ZNF831: variants seen among roughly 807,000 people sequenced by gnomAD.
ZNF831 encodes zinc finger protein 831, also known as chromosome 20 open reading frame 174.
ZNF831 carries 59 observed loss-of-function variants against 95.8 expected under a neutral mutation model. That is an observed-to-expected ratio of 0.62 (90% confidence interval 0.50 to 0.77). The LOEUF is 0.77. ZNF831 is among the 30% of genes least tolerant of loss of function. The pLI is 0.00. For missense variants in ZNF831, 2,205 were observed against 2,164.0 expected, an observed-to-expected ratio of 1.02 and a Z score of -0.38; for synonymous variants, 961 against 925.5, an observed-to-expected ratio of 1.04 and a Z score of -0.70.
Position 59,258,813 on chromosome 20 carries a change from C to G in ZNF831, c.*4070C>G, listed in dbSNP as rs45556437. The G allele has an allele frequency of 2.0e-5, 3 of 152,336 alleles. No individual in the cohort carries two copies. The highest frequency in any genetic ancestry group is 4.4e-5 in the Non-Finnish European group (3 of 68,028). 9.4% of individuals were successfully genotyped at this position (152,336 alleles called of 1,614,324 possible). A position where few individuals can be genotyped will look rare whatever the true frequency, so the allele number is the denominator to read the frequency against. The stretch of plus-strand genomic sequence containing the variant: ...GATTTCTACCCTGTATGATTCTTTT[C>G]ATCCATGCTTTGCACTTACGTAGGA... On this transcript the variant is annotated 3_prime_UTR_variant, in exon 6 of 6. Coordinates refer to ENST00000371030, the MANE Select transcript of ZNF831 (RefSeq NM_178457.3).
At position 59,153,263 on chromosome 20, in the gene ZNF831, A is replaced by G. The variant is rs564579750; in HGVS notation, c.-1280-6389A>G. On this transcript the variant is annotated intron_variant, in intron 2 of 7. Transcript: ENST00000637017. Reference sequence around the variant, plus strand: ...GCCCGCATGCTCTGTGTTCTTCCCAACAGAGCCAAATCCTGTGGAACTGGA... The same window carrying G: ...GCCCGCATGCTCTGTGTTCTTCCCAGCAGAGCCAAATCCTGTGGAACTGGA... 5.3e-5 allele frequency among the ~76,000 whole-genome samples: 8 copies of G among 152,286 alleles called. No individual in the cohort carries two copies. The South Asian group carries it at 1.2e-3, about 24-fold the overall frequency.
intron 4 of ZNF831, among the ~76,000 whole-genome samples, chr20:59,221,747 A>C (rs942128331): frequency 6.6e-6 from 1 of 152,202 alleles, no homozygotes; most frequent in African/African-American, 2.4e-5. Flanking sequence ...CTTAACTTCC[A>C]AAGGACATGA....
At chr20:59,250,313 C>T (rs554691594) in intron 4 of ZNF831, among the ~76,000 whole-genome samples, 105 of 152,242 alleles carry the variant, frequency 6.9e-4, no homozygotes, top group Non-Finnish European at 1.1e-3. Flanking sequence ...TCCAGAATGC[C>T]GGCAGCCTGG....
rs1985084829 is a variant in ZNF831, at chr20:59,208,782, A to C, written c.4027+1726A>C. Among the ~76,000 whole-genome samples the C allele has an allele frequency of 6.6e-6, 1 of 152,084 alleles. No homozygotes were observed. The highest frequency in any genetic ancestry group is 1.9e-4 in the East Asian group (1 of 5,186). ...TAGAGCTTGGATGGAACCCCTGCTG[A>C]GACGCTGGCAGAGAGCTGGTAGCCC... On this transcript the variant is annotated intron_variant, in intron 4 of 5. Transcript: ENST00000371030. The surrounding 1 kb of genome is among the most constrained non-coding windows in gnomAD (Gnocchi z 4.2).
At chr20:59,205,472 A>C (rs1228228352) in intron 3 of ZNF831, among the ~76,000 whole-genome samples, 1 of 152,218 alleles carries the variant, frequency 6.6e-6, no homozygotes, top group Non-Finnish European at 1.5e-5. Context: ...TGCCCAGTTG[A>C]GGGGAGCTTC....
chr20:59,234,923 C>T (rs960264181), intron 4 of ZNF831, among the ~76,000 whole-genome samples: 5 of 152,108 alleles, frequency 3.3e-5, no homozygotes, highest in African/African-American at 9.7e-5. Flanking sequence ...TAACTATTGA[C>T]CCATTATTGT....
intron 2 of ZNF831, chr20:59,146,782 G>T (rs1979891101): frequency 6.6e-6 from 1 of 152,260 alleles, no homozygotes; most frequent in African/African-American, 2.4e-5. Context: ...CTGTTTCCCT[G>T]GTGGCCCCAA....
intron 4 of ZNF831, among the ~76,000 whole-genome samples, chr20:59,212,494 G>A (rs1253275450): frequency 6.6e-6 from 1 of 152,154 alleles, no homozygotes; most frequent in Non-Finnish European, 1.5e-5. Flanking sequence ...CAACTAAGGT[G>A]TATTTCCCAG....
rs923039977 is a variant in ZNF831, at chr20:59,169,997, T to A, written c.-37+5790T>A. Among the ~76,000 whole-genome samples, 2 of 152,110 alleles carry A rather than the reference T, an allele frequency of 1.3e-5. No homozygotes were observed. The highest frequency in any genetic ancestry group is 4.8e-5 in the African/African-American group (2 of 41,362). On this transcript the variant is annotated intron_variant, in intron 1 of 5. Coordinates refer to ENST00000371030, the MANE Select transcript of ZNF831 (RefSeq NM_178457.3). This position sits in a 1 kb window ranked among gnomAD's most constrained non-coding sequence, Gnocchi z 4.1. ...TTTCTGTTTTGATTTGACCTATTTCTTCTCCTACCTTTATTATCTCCTTTC... is the reference window on the plus strand; with the variant it reads ...TTTCTGTTTTGATTTGACCTATTTCATCTCCTACCTTTATTATCTCCTTTC...
rs764842217 is a variant in ZNF831 at position 59,191,669 on chromosome 20, G to T, written c.650G>T (p.Gly217Val). Residue 217 changes from glycine (G) to valine (V), a missense_variant, in exon 2 of 6, where the codon GGG becomes GTG. By Grantham distance (109) the Gly-to-Val change is moderately radical. Coordinates refer to ENST00000371030, the MANE Select transcript of ZNF831 (RefSeq NM_178457.3). ...GCCGGGGGCGGCCTCCTGGAGGAAG[G>T]GGACAAGGCCGGAGAGCCCCCCAGA... ...EGAGGGLLEEGDKAGEPPRPE... is the reference protein window; with the variant it reads ...EGAGGGLLEEVDKAGEPPRPE... 1.4e-5 allele frequency: 22 copies of T among 1,558,182 alleles called. No individual in the cohort carries two copies. Among genetic ancestry groups the T allele is most frequent in the Non-Finnish European group, 1.9e-5 (22 of 1,152,682 alleles).
chr20:59,201,983 T>C (rs765574774), intron 3 of ZNF831, among the ~76,000 whole-genome samples: 1 of 152,226 alleles, frequency 6.6e-6, no homozygotes, highest in Non-Finnish European at 1.5e-5. Context: ...TCTCCATCAA[T>C]AAGTTGAGGT....
At chr20:59,151,556 T>G (rs1009360782) in intron 2 of ZNF831, among the ~76,000 whole-genome samples, 11 of 152,074 alleles carry the variant, frequency 7.2e-5, no homozygotes, top group Non-Finnish European at 1.2e-4. Context: ...TGGCCACAAC[T>G]GGTGAGATAC....
intron 4 of ZNF831, among the ~76,000 whole-genome samples, chr20:59,243,818 A>C (rs1987457920): frequency 1.3e-5 from 2 of 152,246 alleles, no homozygotes; most frequent in Non-Finnish European, 1.5e-5. Context: ...ATTATATCCC[A>C]AAACCTGAAC....
At chr20:59,224,540 C>T (rs766556311) in intron 4 of ZNF831, among the ~76,000 whole-genome samples, 5 of 152,194 alleles carry the variant, frequency 3.3e-5, no homozygotes, top group Non-Finnish European at 7.4e-5. Flanking sequence ...TCCAGCCCTG[C>T]TAGCTTCACT....
Position 59,145,458 on chromosome 20 carries a change from G to A in ZNF831, c.-1424-773G>A, listed in dbSNP as rs117122339. ...TAATGTGCTCTATGATTATTCCAGA[G>A]CAATACAGGATGCAACATTTCCCAA... is the stretch of plus-strand genomic sequence containing the variant. On this transcript the variant is annotated intron_variant, in intron 1 of 7. Transcript: ENST00000637017. Among the ~76,000 whole-genome samples the A allele has an allele frequency of 1.2e-4, 19 of 152,324 alleles. No individual in the cohort carries two copies. In the East Asian group the frequency reaches 3.1e-3, roughly 25 times the overall value.
At chr20:59,196,060 A>G (rs1017777904) in intron 3 of ZNF831, 55 bp downstream of exon 3, 7 of 1,594,496 alleles carry the variant, frequency 4.4e-6, no homozygotes, top group African/African-American at 4.0e-5. Flanking sequence ...AGAATTTACT[A>G]TGGGATTTGA....
rs2146573302 is a variant in ZNF831, at chr20:59,192,868, C to T, written c.1849C>T (p.Gln617Ter). The change falls in exon 2 of 6, where the codon CAG becomes TAG. Residue 617 changes from glutamine to a stop codon, truncating the protein, a stop_gained. Coordinates refer to ENST00000371030, the MANE Select transcript of ZNF831 (RefSeq NM_178457.3). LOFTEE classifies it high-confidence loss of function. This position sits in a 1 kb window ranked among gnomAD's most constrained non-coding sequence, Gnocchi z 5.2. ...CGQRRLKMFS[Q>*]EKWQVYGDET... ...CCAGAGAAGGCTGAAGATGTTCTCC[C>T]AGGAGAAGTGGCAGGTGTACGGGGA... 1.2e-6 allele frequency: 2 copies of T among 1,600,972 alleles called. No individual in the cohort carries two copies. Among genetic ancestry groups the T allele is most frequent in the Non-Finnish European group, 8.5e-7 (1 of 1,173,648 alleles).
intron 4 of ZNF831, among the ~76,000 whole-genome samples, chr20:59,237,907 C>A (rs1410038804): frequency 1.3e-5 from 2 of 152,164 alleles, no homozygotes; most frequent in East Asian, 3.9e-4. Context: ...TCCTCTTCCA[C>A]CTCCCTAAAG....
intron 4 of ZNF831, among the ~76,000 whole-genome samples, chr20:59,218,340 T>C (rs933227669): frequency 3.3e-5 from 5 of 152,240 alleles, no homozygotes; most frequent in African/African-American, 1.2e-4. Context: ...TATTTTGAAA[T>C]GTTGCTACTG....
Sources: gnomAD v4.1 joint callset for allele counts (sites outside exome capture counted in the v4.1 genomes callset) on GRCh38, gnomAD v4.1.1 for gene constraint, Gnocchi (gnomAD v3.1) non-coding constraint, MANE v1.5 for transcripts, NCBI Gene and HGNC (gene_info 2026-07-23, HGNC 2026-07-21) for gene names.